Variants in LRRC2 observed in about 807,000 individuals in gnomAD.
LRRC2 encodes the protein leucine rich repeat containing 2, also known as leucine-rich repeat-containing protein 2.
Under a neutral mutation model 40.2 loss-of-function variants are expected in LRRC2, and 27 were observed. The observed-to-expected ratio is 0.67, with a 90% confidence interval of 0.49 to 0.93. LRRC2 has a LOEUF of 0.93. Among genes scored for constraint, LRRC2 ranks in the 40% least tolerant of loss-of-function variants. The pLI is 0.00. For missense variants in LRRC2, 402 were observed against 439.6 expected (o/e 0.91, Z 0.76); for synonymous variants, 147 against 158.9 (o/e 0.92, Z 0.56).
At chr3:46,554,268 A>AGG (rs1704737002) in intron 1 of LRRC2, among the ~76,000 whole-genome samples, 1 of 61,150 alleles carries the variant, frequency 1.6e-5, no homozygotes, top group African/African-American at 6.5e-5. Flanking sequence ...CAATCCACCC[A>AGG]CCTAGGCCTC....
chr3:46,557,328 C>A (rs1202849736), intron 1 of LRRC2: 1 of 152,154 alleles, frequency 6.6e-6, no homozygotes, highest in African/African-American at 2.4e-5. Flanking sequence ...GAGAACAAAC[C>A]CCCTTTGACT....
chr3:46,545,230 A>G lies in LRRC2; in HGVS notation c.149T>C (p.Val50Ala). Residue 50 changes from valine (V) to alanine (A), a missense_variant, in exon 3 of 9, where the codon GTG (valine) becomes GCG (alanine). Physicochemically the swap from Val to Ala is moderately conservative, Grantham distance 64. Transcript: ENST00000395905. ...GATGCCCTTCCTCCTGCATTCGGCCACAAAGTTCCACTCCTCCTTTATCCT... is the reference window on the plus strand; with the variant it reads ...GATGCCCTTCCTCCTGCATTCGGCCGCAAAGTTCCACTCCTCCTTTATCCT... ...LEKIKEEWNF[V>A]AECRRKGIPQ... 1 of 1,614,154 alleles carries G rather than the reference A, an allele frequency of 6.2e-7. No homozygotes were observed. The highest frequency in any genetic ancestry group is 8.5e-7 in the Non-Finnish European group (1 of 1,180,018).
intron 3 of LRRC2, among the ~76,000 whole-genome samples, chr3:46,540,158 T>G (rs1312528809): frequency 6.6e-6 from 1 of 152,234 alleles, no homozygotes; most frequent in Non-Finnish European, 1.5e-5. Flanking sequence ...ATTGCCCTCC[T>G]GTGTGTGGGT....
In LRRC2 at chr3:46,518,229, T is replaced by C. The variant is rs1703899118; in HGVS notation, c.*785A>G. 2 of 152,240 alleles carry C rather than the reference T, an allele frequency of 1.3e-5. No individual in the cohort carries two copies. Among genetic ancestry groups the C allele is most frequent in the Admixed American group, 6.5e-5 (1 of 15,286 alleles). The allele number at this position is 152,240 out of a possible 1,614,324, so 9.4% of individuals were successfully genotyped here. A position where few individuals can be genotyped will look rare whatever the true frequency, so the allele number is the denominator to read the frequency against. ...ACTTGCCAAAATATAACTTAAAACATATGGAAATAGCAGTTTATATAAACT... is the reference window on the plus strand; with the variant it reads ...ACTTGCCAAAATATAACTTAAAACACATGGAAATAGCAGTTTATATAAACT... On this transcript the variant is annotated 3_prime_UTR_variant, in exon 9 of 9. Transcript: ENST00000395905.
At chr3:46,537,835 T>C (rs1282693493) in intron 4 of LRRC2, among the ~76,000 whole-genome samples, 3 of 152,256 alleles carry the variant, frequency 2.0e-5, no homozygotes, top group Non-Finnish European at 4.4e-5. Flanking sequence ...CACAGCATAC[T>C]GATGTGAGTT....
Position 46,529,958 on chromosome 3 carries a change from CT to C in LRRC2, c.719del (p.Gln240ArgfsTer10). ...PICVLRMSNL[Q>X]WLDISSNNLT... is the part of the protein sequence containing the mutation. ...GGTTATTGCTGCTGATATCCAACCACTGCAAATTCGACATCCGCAGGACACA... is the reference window on the plus strand; with the variant it reads ...GGTTATTGCTGCTGATATCCAACCACGCAAATTCGACATCCGCAGGACACA... On this transcript the variant is annotated frameshift_variant, in exon 6 of 9. Coordinates refer to ENST00000395905, the MANE Select transcript of LRRC2 (RefSeq NM_024512.5). LOFTEE classifies it high-confidence loss of function. 1 of 1,614,162 alleles carries C rather than the reference CT, an allele frequency of 6.2e-7. No homozygotes were observed. Among genetic ancestry groups the C allele is most frequent in the Non-Finnish European group, 8.5e-7 (1 of 1,180,024 alleles).
rs1029543395 is a variant in LRRC2, at chr3:46,515,967, T to G, written c.*3047A>C. 1 of 61,162 alleles carries G rather than the reference T, an allele frequency of 1.6e-5. No individual in the cohort carries two copies. The highest frequency in any genetic ancestry group is 5.1e-5 in the Non-Finnish European group (1 of 19,492). The allele number at this position is 61,162 out of a possible 1,614,324, so 3.8% of individuals were successfully genotyped here. A position where few individuals can be genotyped will look rare whatever the true frequency, so the allele number is the denominator to read the frequency against. ...ATCTCTCTCTCTTTTTTTTTTTTTT[T>G]TTTTTTTTTTGAGATGGAGTCTCAC... On this transcript the variant is annotated 3_prime_UTR_variant, in exon 9 of 9. Transcript: ENST00000395905.
chr3:46,527,674 C>G, intron 6 of LRRC2, 93 bp from the exon 7 acceptor site: 1 of 1,111,492 alleles, frequency 9.0e-7, no homozygotes, highest in Non-Finnish European at 1.3e-6. Context: ...CAGGAAGTCC[C>G]TACTTTATTT....
At chr3:46,521,428 A>C (rs1441457751) in intron 8 of LRRC2, 94 bp downstream of exon 8, 2 of 1,007,418 alleles carry the variant, frequency 2.0e-6, no homozygotes, top group Non-Finnish European at 2.8e-6. Context: ...TCAACCAATA[A>C]ACTTTTTGTC....
intron 1 of LRRC2, among the ~76,000 whole-genome samples, chr3:46,564,817 C>T (rs1342902653): frequency 6.6e-6 from 1 of 152,206 alleles, no homozygotes; most frequent in African/African-American, 2.4e-5. Flanking sequence ...GGCGTGTCAT[C>T]AATGTAAGGA....
At chr3:46,558,255 T>C (rs1381495079) in intron 1 of LRRC2, 2 of 152,182 alleles carry the variant, frequency 1.3e-5, no homozygotes, top group Admixed American at 1.3e-4. Context: ...GCGCTCACTT[T>C]AAAGGGCCAA....
chr3:46,547,689 A>G (rs1704557626), intron 2 of LRRC2, among the ~76,000 whole-genome samples: 1 of 95,410 alleles, frequency 1.0e-5, no homozygotes, highest in Admixed American at 1.3e-4. Context: ...ATATATATAT[A>G]ACATATGTGT....
At position 46,566,287 on chromosome 3, in the gene LRRC2, G is replaced by GA. The variant is rs1296358401; in HGVS notation, c.-131dup. On this transcript the variant is annotated 5_prime_UTR_variant, in exon 1 of 9. Transcript: ENST00000395905. ...TTTACACCCGCTGAGCAGCACGGCC[G>GA]AGCCGGAAGAAGCCTCCCGTGCCTG... is the stretch of plus-strand genomic sequence containing the variant. The GA allele has an allele frequency of 6.6e-6, 1 of 151,126 alleles. No individual in the cohort carries two copies. Among genetic ancestry groups the GA allele is most frequent in the Non-Finnish European group, 1.5e-5 (1 of 67,668 alleles). The allele number at this position is 151,126 out of a possible 1,614,324, so 9.4% of individuals were successfully genotyped here. A position where few individuals can be genotyped will look rare whatever the true frequency, so the allele number is the denominator to read the frequency against.
intron 2 of LRRC2, among the ~76,000 whole-genome samples, chr3:46,550,147 G>A (rs1704612092): frequency 6.6e-6 from 1 of 152,118 alleles, no homozygotes; most frequent in Non-Finnish European, 1.5e-5. Flanking sequence ...TTATACAGAG[G>A]CAAGGGCTTG....
At chr3:46,545,747 C>T (rs1243348141) in intron 2 of LRRC2, among the ~76,000 whole-genome samples, 1 of 152,214 alleles carries the variant, frequency 6.6e-6, no homozygotes, top group Non-Finnish European at 1.5e-5. Context: ...AACCTCACCA[C>T]CCCACGTGTC....
At chr3:46,547,634 C>T (rs1370500937) in intron 2 of LRRC2, among the ~76,000 whole-genome samples, 1 of 150,230 alleles carries the variant, frequency 6.7e-6, no homozygotes, top group Non-Finnish European at 1.5e-5. Flanking sequence ...CCAGCCTGGG[C>T]AACAGAAAGA....
chr3:46,550,946 G>T (rs1704631892), intron 2 of LRRC2, among the ~76,000 whole-genome samples: 1 of 152,006 alleles, frequency 6.6e-6, no homozygotes. Context: ...TCAACTTGGT[G>T]TTCATATACA....
intron 7 of LRRC2, among the ~76,000 whole-genome samples, chr3:46,524,321 C>T (rs79845527): frequency 6.6e-6 from 1 of 152,150 alleles, no homozygotes; most frequent in African/African-American, 2.4e-5. Context: ...TCCAGGCTAC[C>T]TTAGAGAAAA....
intron 1 of LRRC2, among the ~76,000 whole-genome samples, chr3:46,553,689 T>C (rs1428291163): frequency 6.6e-6 from 1 of 152,110 alleles, no homozygotes; most frequent in African/African-American, 2.4e-5. Context: ...GGCCTCGCTA[T>C]GTTACCCAGG....
Sources: gnomAD v4.1 joint callset for allele counts (sites outside exome capture counted in the v4.1 genomes callset) on GRCh38, gnomAD v4.1.1 for gene constraint, MANE v1.5 for transcripts, NCBI Gene and HGNC (gene_info 2026-07-23, HGNC 2026-07-21) for gene names.